The following ARHGAP6 variants were observed in gnomAD, a reference collection of about 807,000 sequenced individuals.
ARHGAP6 encodes the protein rho GTPase-activating protein 6.
In ARHGAP6, 16 loss-of-function variants were observed where a neutral mutation model predicts 55.7. The ratio of observed to expected loss-of-function variants is 0.29; its 90% CI spans 0.19 to 0.44. The LOEUF is 0.44. Among genes scored for constraint, ARHGAP6 ranks in the 20% least tolerant of loss-of-function variants. The pLI is 1.00. For synonymous variants in ARHGAP6, 382 were observed against 360.9 expected, an observed-to-expected ratio of 1.06 and a Z score of -0.66; for missense variants, 698 against 808.9, an observed-to-expected ratio of 0.86 and a Z score of 1.66.
chrX:11,521,382 C>A (rs1273140646), intron 1 of ARHGAP6, among the ~76,000 whole-genome samples: 3 of 112,155 alleles, frequency 2.7e-5, no homozygotes, highest in Non-Finnish European at 5.6e-5. Flanking sequence ...AAATGGCTAG[C>A]CAGTTTTCCC....
intron 1 of ARHGAP6, among the ~76,000 whole-genome samples, chrX:11,434,622 G>C (rs930912341): frequency 9.0e-6 from 1 of 111,285 alleles, no homozygotes; most frequent in Non-Finnish European, 1.9e-5. Flanking sequence ...TCTGGTGCCT[G>C]CAGGTTTCAA....
chrX:11,461,866 T>A (rs1410829723), intron 1 of ARHGAP6, among the ~76,000 whole-genome samples: 1 of 111,364 alleles, frequency 9.0e-6, no homozygotes, highest in African/African-American at 3.3e-5. Context: ...GGGGCCTCTC[T>A]CAAGAAGAAG....
chrX:11,163,932 A>T (rs2045983116), intron 9 of ARHGAP6, among the ~76,000 whole-genome samples: 1 of 110,148 alleles, frequency 9.1e-6, no homozygotes, highest in Non-Finnish European at 1.9e-5. Context: ...AGGGAGTGGG[A>T]AAGGTTCAGG....
intron 1 of ARHGAP6, among the ~76,000 whole-genome samples, chrX:11,578,244 A>G (rs2051625031): frequency 9.0e-6 from 1 of 111,693 alleles, no homozygotes; most frequent in South Asian, 3.8e-4. Context: ...TGTGTTAACA[A>G]TGTGAAGATT....
At chrX:11,209,056 A>G (rs1433399658) in intron 2 of ARHGAP6, among the ~76,000 whole-genome samples, 1 of 112,540 alleles carries the variant, frequency 8.9e-6, no homozygotes, top group Non-Finnish European at 1.9e-5. Flanking sequence ...ACAACTCTTT[A>G]TAATACCCAT....
At chrX:11,501,263 C>T (rs184921022) in intron 1 of ARHGAP6, among the ~76,000 whole-genome samples, 1 of 111,711 alleles carries the variant, frequency 9.0e-6, no homozygotes, top group Admixed American at 9.5e-5. Flanking sequence ...CCACCCTTCT[C>T]TCATAGCAAG....
intron 1 of ARHGAP6, among the ~76,000 whole-genome samples, chrX:11,550,704 C>T (rs754017027): frequency 8.9e-6 from 1 of 111,988 alleles, no homozygotes; most frequent in South Asian, 3.8e-4. Flanking sequence ...CAGAATTACA[C>T]ATTAGGAAGA....
At position 11,310,771 on chromosome X, in the gene ARHGAP6, CCTT is replaced by C. The variant is rs200903974; in HGVS notation, c.589-56067_589-56065del. Among the ~76,000 whole-genome samples the C allele has an allele frequency of 9.5e-3, 1,063 of 111,704 alleles. 13 individuals are homozygous for C. Among genetic ancestry groups the C allele is most frequent in the African/African-American group, 0.033 (1,013 of 30,717 alleles). ...CCACTGGTCCCCAGCACATTCAGAC[CCTT>C]CTTCTCAGCTTTGCTTCTAGGCCAC... On this transcript the variant is annotated intron_variant, in intron 1 of 12. Coordinates refer to ENST00000337414, the MANE Select transcript of ARHGAP6 (RefSeq NM_013427.3).
At chrX:11,564,932 G>T (rs1356047466) in intron 1 of ARHGAP6, among the ~76,000 whole-genome samples, 1 of 111,981 alleles carries the variant, frequency 8.9e-6, no homozygotes, top group Admixed American at 9.5e-5. Flanking sequence ...GCCTCCTGGA[G>T]ACTTTTTCCA....
At chrX:11,653,656 C>T (rs981422442) in intron 1 of ARHGAP6, among the ~76,000 whole-genome samples, 3 of 112,121 alleles carry the variant, frequency 2.7e-5, no homozygotes, top group African/African-American at 9.7e-5. Context: ...GAAATCCTCA[C>T]AAAAACTCTT....
chrX:11,556,445 C>A (rs2147090194), intron 1 of ARHGAP6, among the ~76,000 whole-genome samples: 1 of 112,329 alleles, frequency 8.9e-6, no homozygotes, highest in East Asian at 2.8e-4. Flanking sequence ...AATTGGCCAA[C>A]TTGTGCTATA....
chrX:11,426,113 A>G (rs1486320853), intron 1 of ARHGAP6, among the ~76,000 whole-genome samples: 1 of 112,548 alleles, frequency 8.9e-6, no homozygotes, highest in African/African-American at 3.2e-5. Flanking sequence ...TAACTATAGA[A>G]AAACCAGAGA....
chrX:11,652,399 C>G (rs753485322), intron 1 of ARHGAP6, among the ~76,000 whole-genome samples: 1 of 112,044 alleles, frequency 8.9e-6, no homozygotes, highest in Non-Finnish European at 1.9e-5. Flanking sequence ...TCAACAAACC[C>G]AACAAAAACA....
chrX:11,427,096 C>A (rs1325588452), intron 1 of ARHGAP6, among the ~76,000 whole-genome samples: 1 of 111,413 alleles, frequency 9.0e-6, no homozygotes, highest in Non-Finnish European at 1.9e-5. Flanking sequence ...TGCACCCCAA[C>A]GCTCCCGGCA....
At chrX:11,378,303 G>A (rs914064284) in intron 1 of ARHGAP6, among the ~76,000 whole-genome samples, 7 of 112,302 alleles carry the variant, frequency 6.2e-5, no homozygotes, top group African/African-American at 2.3e-4. Context: ...TTTACCAAGT[G>A]GTGCTACCAT....
chrX:11,574,555 A>C (rs2051572926), intron 1 of ARHGAP6, among the ~76,000 whole-genome samples: 1 of 109,313 alleles, frequency 9.1e-6, no homozygotes, highest in Admixed American at 9.9e-5. Context: ...TCAATAAATT[A>C]GGTATTGATG....
intron 2 of ARHGAP6, among the ~76,000 whole-genome samples, chrX:11,237,874 C>A (rs1374711295): frequency 8.9e-6 from 1 of 111,967 alleles, no homozygotes; most frequent in Admixed American, 9.5e-5. Flanking sequence ...TCAGCCTAGG[C>A]ACTAGCGATA....
At chrX:11,620,717 T>A (rs907329927) in intron 1 of ARHGAP6, among the ~76,000 whole-genome samples, 1 of 112,202 alleles carries the variant, frequency 8.9e-6, no homozygotes. Context: ...GTGACTTTCT[T>A]CCCCAGAGGA....
rs767717720 is a variant in ARHGAP6 at position 11,617,451 on chromosome X, G to A, written c.588+46790C>T. Among the ~76,000 whole-genome samples, 22 of 111,669 alleles carry A rather than the reference G, an allele frequency of 2.0e-4. No individual in the cohort carries two copies. The South Asian group carries it at 2.6e-3, about 13-fold the overall frequency. Reference sequence around the variant, plus strand: ...TCAAAATAGTCTCCCAATTTCATACGCATTTGTGATAGGCAAAATAACCCC... The same window carrying A: ...TCAAAATAGTCTCCCAATTTCATACACATTTGTGATAGGCAAAATAACCCC... On this transcript the variant is annotated intron_variant, in intron 1 of 12. Transcript: ENST00000337414.
Sources: gnomAD v4.1 joint callset for allele counts (sites outside exome capture counted in the v4.1 genomes callset) on GRCh38, gnomAD v4.1.1 for gene constraint, MANE v1.5 for transcripts, NCBI Gene and HGNC (gene_info 2026-07-23, HGNC 2026-07-21) for gene names.